The following TULP4 variants were observed in gnomAD, a reference collection of about 807,000 sequenced individuals.
TULP4 encodes TUB like protein 4.
Under a neutral mutation model 129.0 loss-of-function variants are expected in TULP4, and 16 were observed. That is an observed-to-expected ratio of 0.12 (90% CI 0.08 to 0.19). TULP4 has a LOEUF of 0.19. Ranked by LOEUF, TULP4 falls within the 10% of genes least tolerant of loss-of-function variation. The pLI is 1.00. For synonymous variants in TULP4, 998 were observed against 854.0 expected, an observed-to-expected ratio of 1.17 and a Z score of -2.94; for missense variants, 1,842 against 2,059.1, an observed-to-expected ratio of 0.89 and a Z score of 2.04.
intron 2 of TULP4, among the ~76,000 whole-genome samples, chr6:158,420,453 C>T (rs77493900): frequency 3.3e-3 from 496 of 152,284 alleles, no homozygotes; most frequent in African/African-American, 0.01. Context: ...AAGTTAATAA[C>T]GACGAGATAA....
At chr6:158,448,949 C>T (rs1583887781) in intron 3 of TULP4, 47 bp from the exon 4 acceptor site, 1 of 1,554,098 alleles carries the variant, frequency 6.4e-7, no homozygotes, top group East Asian at 2.3e-5. Flanking sequence ...GTGCCAGAAA[C>T]TGGCCCTTGC....
At chr6:158,391,882 G>C (rs1165845257) in intron 1 of TULP4, among the ~76,000 whole-genome samples, 1 of 152,184 alleles carries the variant, frequency 6.6e-6, no homozygotes, top group Non-Finnish European at 1.5e-5. Flanking sequence ...AGCCACACCA[G>C]AGCTGGTCTT....
chr6:158,364,267 G>A (rs188384515), intron 1 of TULP4, among the ~76,000 whole-genome samples: 97 of 152,340 alleles, frequency 6.4e-4, no homozygotes, highest in African/African-American at 2.2e-3. Context: ...TGAAGATGCA[G>A]AGAGTTAGTT....
intron 1 of TULP4, among the ~76,000 whole-genome samples, chr6:158,345,284 G>A (rs1228831617): frequency 1.3e-5 from 2 of 152,186 alleles, no homozygotes; most frequent in Non-Finnish European, 2.9e-5. Flanking sequence ...AAGTAGCTGG[G>A]ACCACAGGTG....
intron 1 of TULP4, among the ~76,000 whole-genome samples, chr6:158,350,252 C>T (rs1257358728): frequency 4.5e-4 from 2 of 4,442 alleles, no homozygotes; most frequent in Admixed American, 4.7e-3. Context: ...ACGGGGCGGC[C>T]GGGCAGAGGG....
At chr6:158,434,474 T>C (rs1241581615) in intron 3 of TULP4, among the ~76,000 whole-genome samples, 1 of 152,162 alleles carries the variant, frequency 6.6e-6, no homozygotes, top group Admixed American at 6.5e-5. Flanking sequence ...CGCAGAGTAA[T>C]GCTGCAACAG....
chr6:158,364,856 C>G (rs571673433), intron 1 of TULP4, among the ~76,000 whole-genome samples: 164 of 152,182 alleles, frequency 1.1e-3, no homozygotes, highest in Non-Finnish European at 7.4e-5. Context: ...CCTGACTCAG[C>G]CTTCCGAGTT....
chr6:158,337,033 CTTTT>C (rs368623144), intron 1 of TULP4, among the ~76,000 whole-genome samples: 2 of 143,632 alleles, frequency 1.4e-5, no homozygotes, highest in African/African-American at 5.3e-5. Flanking sequence ...TTCTTTCTTT[CTTTT>C]TCTTTCTTTC....
chr6:158,348,045 T>TGAAAGGG (rs1780353186), intron 1 of TULP4, among the ~76,000 whole-genome samples: 1 of 152,018 alleles, frequency 6.6e-6, no homozygotes. Flanking sequence ...TTAGAGTCCC[T>TGAAAGGG]TTCCTTGCTG....
At chr6:158,304,875 C>T (rs7750656) in intron 1 of TULP4, among the ~76,000 whole-genome samples, 26,256 of 151,804 alleles carry the variant, frequency 0.17, 2,698 homozygotes, top group Middle Eastern at 0.24. Context: ...CTATATTGTC[C>T]ATGCTGGTCT....
intron 1 of TULP4, among the ~76,000 whole-genome samples, chr6:158,337,096 CTCTCT>C (rs1562525411): frequency 2.3e-5 from 2 of 87,416 alleles, no homozygotes; most frequent in Non-Finnish European, 4.8e-5. Flanking sequence ...GTCTCTCTCT[CTCTCT>C]TTTTTTCTCT....
intron 3 of TULP4, among the ~76,000 whole-genome samples, chr6:158,443,871 C>G (rs947524435): frequency 4.6e-5 from 7 of 152,182 alleles, no homozygotes; most frequent in East Asian, 1.9e-4. Context: ...ATATTCAAGT[C>G]TGGCCTTGAA....
chr6:158,402,734 T>C (rs117020883), intron 1 of TULP4, among the ~76,000 whole-genome samples: 59 of 152,360 alleles, frequency 3.9e-4, no homozygotes, highest in Non-Finnish European at 7.3e-4. Context: ...TTTCAAGCCT[T>C]AAGTTTAGAA....
intron 8 of TULP4, among the ~76,000 whole-genome samples, chr6:158,484,575 A>G (rs1338736904): frequency 1.3e-5 from 2 of 152,144 alleles, no homozygotes; most frequent in Admixed American, 1.3e-4. Flanking sequence ...ATTAAGGTAA[A>G]AGGAGTTCAT....
chr6:158,238,414 TG>T lies in TULP4; in HGVS notation n.68+6112del, dbSNP rs143534636. On this transcript the variant is annotated intron_variant and non_coding_transcript_variant, in intron 1 of 1. Transcript: ENST00000620026. ...CATAGCAAGTAATGCCTTGTTAAAT[TG>T]TTTTTTTTTTTTTTTTTAAATTTAT... 626 of 342,282 alleles carry T rather than the reference TG, an allele frequency of 1.8e-3. 2 individuals are homozygous for T. Among genetic ancestry groups the T allele is most frequent in the Admixed American group, 3.4e-3 (58 of 16,954 alleles). 21.2% of individuals were successfully genotyped at this position (342,282 alleles called of 1,614,324 possible). A position where few individuals can be genotyped will look rare whatever the true frequency, so the allele number is the denominator to read the frequency against.
chr6:158,505,923 G>A (rs1481377446), intron 13 of TULP4, among the ~76,000 whole-genome samples: 2 of 150,210 alleles, frequency 1.3e-5, no homozygotes, highest in African/African-American at 2.5e-5. Flanking sequence ...TGAGCATTAC[G>A]TGCATAATGG....
Position 158,455,677 on chromosome 6 carries a change from C to CA in TULP4, c.859+3411dup, listed in dbSNP as rs1440934225. Among the ~76,000 whole-genome samples, 10 of 150,010 alleles carry CA rather than the reference C, an allele frequency of 6.7e-5. No individual in the cohort carries two copies. The East Asian group carries it at 1.6e-3, about 24-fold the overall frequency. On this transcript the variant is annotated intron_variant, in intron 5 of 13. Transcript: ENST00000367097. Reference sequence around the variant, plus strand: ...ACTTGAACCCGGGAGGCAGAGGTTGCAATGAGCTGAGATTGCGCCATTGCA... The same window carrying CA: ...ACTTGAACCCGGGAGGCAGAGGTTGCAAATGAGCTGAGATTGCGCCATTGCA...
At chr6:158,381,265 T>C (rs1343976217) in intron 1 of TULP4, among the ~76,000 whole-genome samples, 1 of 152,048 alleles carries the variant, frequency 6.6e-6, no homozygotes, top group Non-Finnish European at 1.5e-5. Context: ...CATAATATCA[T>C]CTGAGCGTCT....
rs181262289 is a variant in TULP4 at position 158,470,127 on chromosome 6, G to A, written c.1026+8398G>A. ...TGAACACAGTCACTTAGCCGTGCAG[G>A]AACAATGGCAAGCCTTTAGCCTGAT... On this transcript the variant is annotated intron_variant, in intron 6 of 13. Coordinates refer to ENST00000367097, the MANE Select transcript of TULP4 (RefSeq NM_020245.5). 2.6e-5 allele frequency among the ~76,000 whole-genome samples: 4 copies of A among 152,352 alleles called. No individual in the cohort carries two copies. The South Asian group carries it at 6.2e-4, about 24-fold the overall frequency.
Sources: gnomAD v4.1 joint callset for allele counts (sites outside exome capture counted in the v4.1 genomes callset) on GRCh38, gnomAD v4.1.1 for gene constraint, MANE v1.5 for transcripts, NCBI Gene and HGNC (gene_info 2026-07-23, HGNC 2026-07-21) for gene names.